Variants in MFN2 observed in about 807,000 individuals in gnomAD.
MFN2 encodes mitofusin-2.
In MFN2, 43 loss-of-function variants were observed where a neutral mutation model predicts 87.5. The observed-to-expected ratio is 0.49, with a 90% CI of 0.38 to 0.63. The LOEUF is 0.63. Among genes scored for constraint, MFN2 ranks in the 30% least tolerant of loss-of-function variants. The pLI, the probability that MFN2 is intolerant of heterozygous loss-of-function variation, is 0.00. For synonymous variants in MFN2, 337 were observed against 359.9 expected (o/e 0.94, Z 0.72); for missense variants, 743 against 972.8 (o/e 0.76, Z 3.14).
chr1:11,995,432 C>A lies in MFN2; in HGVS notation c.312-724C>A, dbSNP rs141526856. On this transcript the variant is annotated intron_variant, in intron 4 of 18. Coordinates refer to ENST00000235329, the MANE Select transcript of MFN2 (RefSeq NM_014874.4). ...CAAATCACCTGAGGTCAGGAGTTCG[C>A]GACCAGTCTGGCCAACATGGTGAAA... Among the ~76,000 whole-genome samples the A allele has an allele frequency of 2.4e-3, 370 of 151,784 alleles. 7 individuals carry two copies. The East Asian group carries it at 0.042, about 17-fold the overall frequency.
intron 4 of MFN2, among the ~76,000 whole-genome samples, chr1:11,993,222 G>C (rs1638767569): frequency 6.6e-6 from 1 of 151,880 alleles, no homozygotes. Context: ...CACGTAAGTG[G>C]AATCATACAG....
intron 4 of MFN2, among the ~76,000 whole-genome samples, chr1:11,993,043 C>T (rs2103876): frequency 0.65 from 98,330 of 150,780 alleles, 32,524 homozygotes; most frequent in African/African-American, 0.69. Context: ...TTTAAGCATA[C>T]AATTCACTAG....
Position 11,980,470 on chromosome 1 carries a change from G to T in MFN2, c.-164G>T, listed in dbSNP as rs1340665613. On this transcript the variant is annotated 5_prime_UTR_variant, in exon 1 of 19. Transcript: ENST00000235329. Reference sequence around the variant, plus strand: ...TAGTGAGTGTGATGGCCGCCGCGAGGCCGGGAAGGTGAAGGTGAGAGGGCG... The same window carrying T: ...TAGTGAGTGTGATGGCCGCCGCGAGTCCGGGAAGGTGAAGGTGAGAGGGCG... The T allele has an allele frequency of 2.5e-6, 1 of 398,262 alleles. No homozygotes were observed. The highest frequency in any genetic ancestry group is 4.4e-6 in the Non-Finnish European group (1 of 225,876). 24.7% of individuals were successfully genotyped at this position (398,262 alleles called of 1,614,324 possible).
chr1:12,010,704 A>T (rs1639654717), intron 18 of MFN2, among the ~76,000 whole-genome samples: 1 of 152,124 alleles, frequency 6.6e-6, no homozygotes, highest in Non-Finnish European at 1.5e-5. Flanking sequence ...CCAAGCTCTT[A>T]ACTCTCCTGT....
intron 14 of MFN2, among the ~76,000 whole-genome samples, chr1:12,005,238 A>G (rs1278912449): frequency 6.6e-6 from 1 of 152,066 alleles, no homozygotes. Context: ...TGACCACCAC[A>G]CCTGGCTAAT....
intron 6 of MFN2, 58 bp from the exon 7 acceptor site, chr1:11,998,712 C>T (rs1639038354): frequency 6.6e-7 from 1 of 1,514,314 alleles, no homozygotes. Flanking sequence ...CTGTTCTCAG[C>T]AGGAAGAATA....
chr1:11,985,073 C>T (rs1467937101), intron 2 of MFN2, among the ~76,000 whole-genome samples: 11 of 152,146 alleles, frequency 7.2e-5, no homozygotes, highest in African/African-American at 2.6e-4. Context: ...GGTGGAGAGG[C>T]GGGGCAGTCC....
intron 2 of MFN2, among the ~76,000 whole-genome samples, chr1:11,985,498 G>A (rs4846083): frequency 1.5e-5 from 2 of 133,998 alleles, no homozygotes; most frequent in African/African-American, 2.8e-5. Context: ...GAGAGACTTC[G>A]CTCTGTCACC....
At chr1:11,982,775 T>G (rs1412887250) in intron 2 of MFN2, among the ~76,000 whole-genome samples, 1 of 152,218 alleles carries the variant, frequency 6.6e-6, no homozygotes, top group Non-Finnish European at 1.5e-5. Context: ...TGGGTTCATT[T>G]CTGGTCTTAG....
Position 12,003,492 on chromosome 1 carries a change from C to T in MFN2, c.1161-500C>T, listed in dbSNP as rs1639265652. On this transcript the variant is annotated intron_variant, in intron 11 of 18. Transcript: ENST00000235329. This position sits in a 1 kb window ranked among gnomAD's most constrained non-coding sequence, Gnocchi z 4.1. ...CCAGCCTGACCAACACGGAGAAACC[C>T]TGTCTCTGCTAAAAATACAAAATTA... Among the ~76,000 whole-genome samples the T allele has an allele frequency of 6.6e-6, 1 of 152,200 alleles. No homozygotes were observed. The highest frequency in any genetic ancestry group is 2.1e-4 in the South Asian group (1 of 4,834).
chr1:11,985,057 G>A (rs1199082681), intron 2 of MFN2, among the ~76,000 whole-genome samples: 1 of 152,158 alleles, frequency 6.6e-6, no homozygotes, highest in African/African-American at 2.4e-5. Flanking sequence ...ATGTTTGAGG[G>A]GTGGTGGTGG....
rs1355201865 is a variant in MFN2, at chr1:12,001,468, C to G, written c.884C>G (p.Ser295Cys). Reference sequence around the variant, plus strand: ...GATGAGCTGGGCGTGGTGGATCGATCCCAGGCCGGGGACCGCATCTTCTTT... The same window carrying G: ...GATGAGCTGGGCGTGGTGGATCGATGCCAGGCCGGGGACCGCATCTTCTTT... ...LVDELGVVDR[S>C]QAGDRIFFVS... Residue 295 changes from serine (S) to cysteine (C), a missense_variant, in exon 9 of 19, where the codon TCC (serine) becomes TGC (cysteine). By Grantham distance (112) the Ser-to-Cys change is moderately radical. Around this residue, in one of 3 missense-constraint regions of MFN2, gnomAD observed 571 missense variants for 670.7 expected, o/e 0.85. Transcript: ENST00000235329. The G allele has an allele frequency of 1.9e-6, 3 of 1,613,958 alleles. No individual in the cohort carries two copies. Among genetic ancestry groups the G allele is most frequent in the Non-Finnish European group, 2.5e-6 (3 of 1,179,998 alleles).
chr1:11,986,323 AG>A (rs1456225884), intron 2 of MFN2, among the ~76,000 whole-genome samples: 1 of 152,012 alleles, frequency 6.6e-6, no homozygotes, highest in Non-Finnish European at 1.5e-5. Flanking sequence ...ATCTAGAGAG[AG>A]TGAGCTTACT....
chr1:12,004,550 A>G lies in MFN2; in HGVS notation c.1329A>G (p.Val443=), dbSNP rs1279285811. 6.2e-7 allele frequency: 1 copy of G among 1,614,152 alleles called. No homozygotes were observed. The highest frequency in any genetic ancestry group is 1.3e-5 in the African/African-American group (1 of 75,048). The change falls in exon 13 of 19, where the codon GTA becomes GTG. Residue 443 remains valine, a synonymous_variant. Coordinates refer to ENST00000235329, the MANE Select transcript of MFN2 (RefSeq NM_014874.4). This position sits in a 1 kb window ranked among gnomAD's most constrained non-coding sequence, Gnocchi z 4.2. ...CCGAGGAGATCAGGCGCCTCTCTGT[A>G]CTGGTGGACGATTACCAGATGGACT... ...AMAEEIRRLS[V]LVDDYQMDFH...
chr1:12,005,064 G>A, intron 14 of MFN2, 137 bp downstream of exon 14: 1 of 746,894 alleles, frequency 1.3e-6, no homozygotes, highest in South Asian at 1.5e-5. Context: ...TTCAGGTTCT[G>A]GGTACATGTT....
chr1:11,996,119 A>G (rs1389666078), intron 4 of MFN2, 37 bp from the exon 5 acceptor site: 1 of 1,613,906 alleles, frequency 6.2e-7, no homozygotes, highest in Non-Finnish European at 8.5e-7. Flanking sequence ...CAGGTCAGAT[A>G]CTGGTGGCTT....
At chr1:11,980,997 A>T (rs1008824003) in intron 1 of MFN2, among the ~76,000 whole-genome samples, 10 of 152,330 alleles carry the variant, frequency 6.6e-5, no homozygotes, top group Middle Eastern at 6.8e-3. Flanking sequence ...GAAAATGTTG[A>T]ATAAATAGCT....
In MFN2 at chr1:12,012,005, G is replaced by A. The variant is rs1436619643; in HGVS notation, c.*440G>A. 1.3e-5 allele frequency: 3 copies of A among 222,458 alleles called. No homozygotes were observed. Among genetic ancestry groups the A allele is most frequent in the Non-Finnish European group, 2.8e-5 (3 of 108,594 alleles). 13.8% of individuals were successfully genotyped at this position (222,458 alleles called of 1,614,324 possible). On this transcript the variant is annotated 3_prime_UTR_variant, in exon 19 of 19. Transcript: ENST00000235329. The stretch of plus-strand genomic sequence containing the variant: ...CAGCACACCTGCAGGTGTAAGGGAC[G>A]ATTGGAGTTTCTTCCCAGAGAGTCT...
At position 12,007,116 on chromosome 1, in the gene MFN2, G is replaced by A. The variant is rs754683866; in HGVS notation, c.1936G>A (p.Val646Ile). Residue 646 changes from valine (V) to isoleucine (I), a missense_variant, in exon 17 of 19, where the codon GTC becomes ATC. Physicochemically the swap from Val to Ile is conservative, Grantham distance 29 (BLOSUM62 3). Coordinates refer to ENST00000235329, the MANE Select transcript of MFN2 (RefSeq NM_014874.4). ...LSFGLYGLLY[V>I]YERLTWTTKA... ...CTTTGGGCTCTATGGCCTCCTCTAC[G>A]TCTATGAGCGTCTGACCTGGACCAC... The A allele has an allele frequency of 1.2e-5, 19 of 1,614,208 alleles. No homozygotes were observed. Among genetic ancestry groups the A allele is most frequent in the Non-Finnish European group, 1.4e-5 (17 of 1,180,038 alleles).
Sources: allele counts gnomAD v4.1 joint callset (sites outside exome capture counted in the v4.1 genomes callset), GRCh38; gene constraint gnomAD v4.1.1; regional missense constraint gnomAD v4.1.1; non-coding constraint Gnocchi (gnomAD v3.1); transcripts MANE v1.5; gene names NCBI Gene and HGNC (gene_info 2026-07-23, HGNC 2026-07-21).